THRB: variants seen among roughly 807,000 people sequenced by gnomAD.
THRB encodes thyroid hormone receptor beta.
Under a neutral mutation model 47.8 loss-of-function variants are expected in THRB, and 12 were observed. That is an observed-to-expected ratio of 0.25 (90% CI 0.16 to 0.41). THRB has a LOEUF of 0.41. Ranked by LOEUF, THRB falls within the 10% of genes least tolerant of loss-of-function variation. The pLI, the probability that THRB is intolerant of heterozygous loss-of-function variation, is 1.00. For synonymous variants in THRB, 218 were observed against 212.2 expected (o/e 1.03, Z -0.24); for missense variants, 348 against 589.2 (o/e 0.59, Z 4.24).
At chr3:24,348,367 T>C (rs2063152957) in intron 1 of THRB, among the ~76,000 whole-genome samples, 1 of 152,106 alleles carries the variant, frequency 6.6e-6, no homozygotes, top group Non-Finnish European at 1.5e-5. Flanking sequence ...GTTGTACTAG[T>C]GTAATAAGGC....
At chr3:24,139,982 G>C (rs1176174872) in intron 8 of THRB, among the ~76,000 whole-genome samples, 1 of 152,190 alleles carries the variant, frequency 6.6e-6, no homozygotes, top group Non-Finnish European at 1.5e-5. Context: ...GCACACAGGA[G>C]AGGCAAATTC....
At chr3:24,424,597 A>G (rs1288880167) in intron 1 of THRB, among the ~76,000 whole-genome samples, 1 of 151,966 alleles carries the variant, frequency 6.6e-6, no homozygotes, top group Non-Finnish European at 1.5e-5. Flanking sequence ...GTGCTACATG[A>G]TAAGAATTAT....
chr3:24,470,599 C>T (rs2074488913), intron 1 of THRB, among the ~76,000 whole-genome samples: 1 of 152,160 alleles, frequency 6.6e-6, no homozygotes, highest in Admixed American at 6.5e-5. Context: ...GAATCAAAGC[C>T]AGGTTTATCT....
At chr3:24,189,868 A>G (rs1559551078) in intron 5 of THRB, 2 of 581,866 alleles carry the variant, frequency 3.4e-6, no homozygotes, top group African/African-American at 1.9e-5. Context: ...CGTGAAACCG[A>G]AACAAGCTGC....
At chr3:24,247,412 T>C (rs2050212092) in intron 3 of THRB, among the ~76,000 whole-genome samples, 1 of 152,216 alleles carries the variant, frequency 6.6e-6, no homozygotes, top group Non-Finnish European at 1.5e-5. Flanking sequence ...ACTTGTATTC[T>C]CAACCTATGA....
intron 4 of THRB, among the ~76,000 whole-genome samples, chr3:24,227,097 G>A (rs115126810): frequency 0.017 from 2,528 of 150,834 alleles, 62 homozygotes; most frequent in African/African-American, 0.056. Flanking sequence ...CATTTCATAT[G>A]TCTTGGGGTA....
At chr3:24,189,572 C>T (rs888960885) in intron 5 of THRB, among the ~76,000 whole-genome samples, 1 of 152,092 alleles carries the variant, frequency 6.6e-6, no homozygotes. Context: ...TCTCTCCTTT[C>T]AGGATGATGA....
chr3:24,463,663 C>G (rs1158512958), intron 1 of THRB, among the ~76,000 whole-genome samples: 4 of 152,154 alleles, frequency 2.6e-5, no homozygotes, highest in Non-Finnish European at 5.9e-5. Context: ...AAATATGCTG[C>G]TTGGGGAATT....
At chr3:24,373,281 T>G (rs746335834) in intron 1 of THRB, among the ~76,000 whole-genome samples, 42 of 152,154 alleles carry the variant, frequency 2.8e-4, no homozygotes, top group Middle Eastern at 3.2e-3. Context: ...TCTGGAGAGA[T>G]AATGTATGTG....
intron 1 of THRB, among the ~76,000 whole-genome samples, chr3:24,442,656 T>C (rs2071644776): frequency 6.6e-6 from 1 of 151,804 alleles, no homozygotes. Context: ...GAAACCCTTC[T>C]CTACTAAAAA....
At chr3:24,404,548 C>A (rs947072810) in intron 1 of THRB, among the ~76,000 whole-genome samples, 1 of 151,846 alleles carries the variant, frequency 6.6e-6, no homozygotes, top group Non-Finnish European at 1.5e-5. Flanking sequence ...TCTATTAGGC[C>A]AGACATGCAA....
At chr3:24,196,072 G>A (rs7649417) in intron 4 of THRB, among the ~76,000 whole-genome samples, 149 of 152,290 alleles carry the variant, frequency 9.8e-4, no homozygotes, top group African/African-American at 3.3e-3. Context: ...ATTTGTATGG[G>A]GGTGGGGAAT....
intron 1 of THRB, among the ~76,000 whole-genome samples, chr3:24,475,399 C>T (rs1695297968): frequency 6.6e-6 from 1 of 151,954 alleles, no homozygotes; most frequent in Non-Finnish European, 1.5e-5. Flanking sequence ...CTTCAATATA[C>T]TTTCTTATAC....
chr3:24,433,671 T>C (rs73032373), intron 1 of THRB, among the ~76,000 whole-genome samples: 38,473 of 152,100 alleles, frequency 0.25, 5,349 homozygotes, highest in East Asian at 0.37. Context: ...CACCATCTCA[T>C]AGGGGTTTTG....
At chr3:24,138,405 T>TG (rs1167072104) in intron 8 of THRB, among the ~76,000 whole-genome samples, 1 of 152,200 alleles carries the variant, frequency 6.6e-6, no homozygotes, top group East Asian at 1.9e-4. Context: ...GTGCGGGGTG[T>TG]GGGGGTGGTA....
chr3:24,440,146 T>A (rs1240342821), intron 1 of THRB, among the ~76,000 whole-genome samples: 1 of 152,208 alleles, frequency 6.6e-6, no homozygotes, highest in East Asian at 1.9e-4. Flanking sequence ...TCTAGATTGA[T>A]TTTTTTAAAC....
At chr3:24,458,118 A>G (rs2073358960) in intron 1 of THRB, 1 of 152,184 alleles carries the variant, frequency 6.6e-6, no homozygotes, top group Admixed American at 6.5e-5. Context: ...CTAAAGAAAT[A>G]CAGCATTGTA....
rs149215791 is a variant in THRB at position 24,268,256 on chromosome 3, G to C, written c.-43+28970C>G. ...ACTGGAGAGTGAAATCCAGTAGTGA[G>C]CATCACCTATTTACCTATAGAATAT... is the stretch of plus-strand genomic sequence containing the variant. On this transcript the variant is annotated intron_variant, in intron 3 of 10. Transcript: ENST00000646209. Among the ~76,000 whole-genome samples the C allele has an allele frequency of 9.1e-3, 1,388 of 152,266 alleles. 18 individuals carry two copies. Among genetic ancestry groups the C allele is most frequent in the African/African-American group, 0.03 (1,234 of 41,548 alleles).
intron 1 of THRB, among the ~76,000 whole-genome samples, chr3:24,414,360 A>G (rs549013699): frequency 7.9e-5 from 12 of 152,036 alleles, no homozygotes; most frequent in African/African-American, 2.9e-4. Context: ...GTTAATGGTA[A>G]GAACGTATTT....
Sources: allele counts gnomAD v4.1 joint callset (sites outside exome capture counted in the v4.1 genomes callset), GRCh38; gene constraint gnomAD v4.1.1; transcripts MANE v1.5; gene names NCBI Gene and HGNC (gene_info 2026-07-23, HGNC 2026-07-21).